The following BRCC3 variants were observed in gnomAD, a reference collection of about 807,000 sequenced individuals.
BRCC3 encodes the protein lys-63-specific deubiquitinase BRCC36.
Under a neutral mutation model 28.0 loss-of-function variants are expected in BRCC3, and 15 were observed. The observed-to-expected ratio is 0.54, with a 90% CI of 0.36 to 0.82. BRCC3 has a LOEUF of 0.82. Among genes scored for constraint, BRCC3 ranks in the 40% least tolerant of loss-of-function variants. The probability of loss-of-function intolerance (pLI) is 0.01; values close to 1 mark genes in which losing one functional copy is unlikely to be tolerated. For synonymous variants in BRCC3, 66 were observed against 80.3 expected (o/e 0.82, Z 0.95); for missense variants, 109 against 225.9 (o/e 0.48, Z 3.32).
chrX:155,102,925 C>T (rs2124288382), intron 7 of BRCC3, among the ~76,000 whole-genome samples: 1 of 111,660 alleles, frequency 9.0e-6, no homozygotes, highest in East Asian at 2.8e-4. Context: ...TTTTGGGTCA[C>T]ATAGTTTTTG....
chrX:155,099,325 G>A, intron 7 of BRCC3: 3 of 1,208,526 alleles, frequency 2.5e-6, no homozygotes, highest in Non-Finnish European at 3.4e-6. Context: ...GTCCCTTCAT[G>A]GTCCACGAGA....
chrX:155,101,928 T>A, intron 7 of BRCC3, among the ~76,000 whole-genome samples: 1 of 112,606 alleles, frequency 8.9e-6, no homozygotes, highest in East Asian at 2.8e-4. Context: ...TGTACTTTTT[T>A]GTCTGTCTCT....
At chrX:155,084,210 C>T (rs1159018271) in intron 5 of BRCC3, among the ~76,000 whole-genome samples, 1 of 112,348 alleles carries the variant, frequency 8.9e-6, no homozygotes, top group Non-Finnish European at 1.9e-5. Context: ...TCTCCCAAGA[C>T]TTGGTACTGT....
At chrX:155,113,119 CTTTTTTTTTTTT>C (rs35621321) in intron 7 of BRCC3, among the ~76,000 whole-genome samples, 11 of 30,813 alleles carry the variant, frequency 3.6e-4, no homozygotes, top group African/African-American at 1.2e-3. Context: ...GGCTTGCTTG[CTTTTTTTTTTTT>C]TTTTTTTTTT....
At chrX:155,072,877 T>C (rs1348731822) in intron 2 of BRCC3, among the ~76,000 whole-genome samples, 2 of 111,070 alleles carry the variant, frequency 1.8e-5, no homozygotes, top group Admixed American at 1.9e-4. Context: ...GTATTTCATG[T>C]TCTGTCTCCC....
chrX:155,081,389 A>G (rs1365232518), intron 5 of BRCC3, among the ~76,000 whole-genome samples: 1 of 110,378 alleles, frequency 9.1e-6, no homozygotes, highest in Admixed American at 9.7e-5. Context: ...AAGAAAAATA[A>G]TTGCCCAACT....
At chrX:155,085,960 A>G (rs1226573464) in intron 5 of BRCC3, among the ~76,000 whole-genome samples, 1 of 111,731 alleles carries the variant, frequency 9.0e-6, no homozygotes. Flanking sequence ...TTTCCCTTTA[A>G]GGGTTCTTCA....
At position 155,114,082 on chromosome X, in the gene BRCC3, A is replaced by G. The variant is rs2074339268; in HGVS notation, c.549-1975A>G. ...TTAAAAACCTAAAAATAGATCTACT[A>G]TATGATCTACCAGTCTCACTTCTTG... On this transcript the variant is annotated intron_variant, in intron 7 of 10. Coordinates refer to ENST00000330045, the MANE Select transcript of BRCC3 (RefSeq NM_001018055.3). Among the ~76,000 whole-genome samples the G allele has an allele frequency of 4.5e-5, 5 of 111,349 alleles. No homozygotes were observed. In the South Asian group the frequency reaches 1.9e-3, roughly 42 times the overall value.
At chrX:155,076,328 G>A (rs782501043) in intron 3 of BRCC3, among the ~76,000 whole-genome samples, 11 of 111,119 alleles carry the variant, frequency 9.9e-5, no homozygotes, top group Non-Finnish European at 1.9e-4. Context: ...GGTAGACGTT[G>A]CAGTGAGCTG....
intron 7 of BRCC3, among the ~76,000 whole-genome samples, chrX:155,114,538 G>A (rs1057146665): frequency 2.7e-5 from 3 of 109,650 alleles, no homozygotes; most frequent in Non-Finnish European, 3.8e-5. Context: ...TTACTGAACT[G>A]TACACTTAAA....
At chrX:155,117,999 T>C (rs2074367555) in intron 9 of BRCC3, among the ~76,000 whole-genome samples, 2 of 112,378 alleles carry the variant, frequency 1.8e-5, no homozygotes, top group Admixed American at 1.9e-4. Context: ...ACTTTTACTA[T>C]TGTGGTACAA....
intron 5 of BRCC3, among the ~76,000 whole-genome samples, chrX:155,085,858 TCCATGGCTG>T (rs1265563113): frequency 1.8e-5 from 2 of 111,594 alleles, no homozygotes; most frequent in African/African-American, 6.5e-5. Context: ...GCTGGGTAGG[TCCATGGCTG>T]CCTGGTTCCC....
chrX:155,105,580 C>T (rs2074278294), intron 7 of BRCC3, among the ~76,000 whole-genome samples: 1 of 112,658 alleles, frequency 8.9e-6, no homozygotes, highest in Admixed American at 9.3e-5. Flanking sequence ...TCTTTTTATT[C>T]TGTCTGTCCA....
At chrX:155,113,275 G>C (rs2074333930) in intron 7 of BRCC3, among the ~76,000 whole-genome samples, 1 of 108,675 alleles carries the variant, frequency 9.2e-6, no homozygotes, top group Non-Finnish European at 1.9e-5. Flanking sequence ...GGTTTCAAAA[G>C]TAACTACAAA....
At chrX:155,075,949 T>C (rs1403455356) in intron 3 of BRCC3, among the ~76,000 whole-genome samples, 1 of 112,254 alleles carries the variant, frequency 8.9e-6, no homozygotes, top group Non-Finnish European at 1.9e-5. Flanking sequence ...AGAAAATCTG[T>C]TCCCCCCACT....
At chrX:155,074,404 G>A (rs782021066) in intron 3 of BRCC3, among the ~76,000 whole-genome samples, 1 of 111,509 alleles carries the variant, frequency 9.0e-6, no homozygotes, top group Non-Finnish European at 1.9e-5. Context: ...TTCTACCTTC[G>A]GTGGATTATT....
intron 2 of BRCC3, 82 bp from the exon 3 acceptor site, chrX:155,073,295 G>C: frequency 9.6e-7 from 1 of 1,037,606 alleles, no homozygotes. Context: ...TGCAAAAACA[G>C]TTAATCCTGT....
At chrX:155,116,297 C>A in intron 8 of BRCC3, 109 bp downstream of exon 8, 1 of 743,484 alleles carries the variant, frequency 1.3e-6, no homozygotes, top group Non-Finnish European at 1.9e-6. Context: ...CTTCTTTTTG[C>A]CTCTCTGGGA....
At position 155,075,312 on chromosome X, in the gene BRCC3, C is replaced by CCT. The variant is rs1569560425; in HGVS notation, c.196-1857_196-1856insTC. ...CTTTCCCCTGGCCCTTCTTGTTCTT[C>CCT]CCCACACTAAATGTGGCCACTCCCC... On this transcript the variant is annotated intron_variant, in intron 3 of 10. Coordinates refer to ENST00000330045, the MANE Select transcript of BRCC3 (RefSeq NM_001018055.3). Among the ~76,000 whole-genome samples, 169 of 52,894 alleles carry CCT rather than the reference C, an allele frequency of 3.2e-3. 1 individual carries two copies. In the African/African-American group the frequency reaches 0.056, roughly 17 times the overall value. The allele number at this position is 52,894 out of a possible 115,157, so 45.9% of individuals were successfully genotyped here.
Sources: allele counts gnomAD v4.1 joint callset (sites outside exome capture counted in the v4.1 genomes callset), GRCh38; gene constraint gnomAD v4.1.1; transcripts MANE v1.5; gene names NCBI Gene and HGNC (gene_info 2026-07-23, HGNC 2026-07-21).